The following ADAMTS18 variants were observed in gnomAD, a reference collection of about 807,000 sequenced individuals.
The protein encoded by ADAMTS18 is ADAM metallopeptidase with thrombospondin type 1 motif 18.
Under a neutral mutation model 165.9 loss-of-function variants are expected in ADAMTS18, and 157 were observed. That is an observed-to-expected ratio of 0.95 (90% CI 0.83 to 1.08). The LOEUF (loss-of-function observed/expected upper bound fraction) is 1.08. Ranked by LOEUF, ADAMTS18 falls within the 50% of genes least tolerant of loss-of-function variation. The pLI is 0.00. For missense variants in ADAMTS18, 2,040 were observed against 1,534.0 expected (o/e 1.33, Z -5.51); for synonymous variants, 782 against 578.2 (o/e 1.35, Z -5.06).
chr16:77,409,148 C>G lies in ADAMTS18; in HGVS notation c.495+22147G>C, dbSNP rs189629775. Among the ~76,000 whole-genome samples the G allele has an allele frequency of 6.6e-5, 10 of 152,228 alleles. No homozygotes were observed. The East Asian group carries it at 1.9e-3, about 29-fold the overall frequency. On this transcript the variant is annotated intron_variant, in intron 3 of 22. Coordinates refer to ENST00000282849, the MANE Select transcript of ADAMTS18 (RefSeq NM_199355.4). ...CACCGGAGGTACTGGAACGTATCCT[C>G]TGAGGATAATGGGAGGGCTACGTAC...
At chr16:77,373,137 G>A (rs909410741) in intron 3 of ADAMTS18, among the ~76,000 whole-genome samples, 6 of 151,832 alleles carry the variant, frequency 4.0e-5, no homozygotes, top group African/African-American at 1.5e-4. Flanking sequence ...GGTGCTCATT[G>A]CTGATGTCTC....
At chr16:77,295,904 C>T (rs867750354) in intron 18 of ADAMTS18, among the ~76,000 whole-genome samples, 2 of 151,958 alleles carry the variant, frequency 1.3e-5, no homozygotes, top group African/African-American at 4.8e-5. Context: ...AGTGCAATGG[C>T]TCGATCTCAG....
intron 3 of ADAMTS18, among the ~76,000 whole-genome samples, chr16:77,421,103 T>C (rs1328476020): frequency 2.6e-5 from 4 of 152,206 alleles, no homozygotes; most frequent in African/African-American, 4.8e-5. Flanking sequence ...TTAGAAAGCA[T>C]GCCCCCTTGA....
At chr16:77,387,009 A>C (rs1190543373) in intron 3 of ADAMTS18, among the ~76,000 whole-genome samples, 1 of 152,202 alleles carries the variant, frequency 6.6e-6, no homozygotes, top group African/African-American at 2.4e-5. Flanking sequence ...ATGTCACTCC[A>C]AACAGATGCT....
At position 77,297,395 on chromosome 16, in the gene ADAMTS18, T is replaced by C. The variant is rs2055495057; in HGVS notation, c.2695A>G (p.Ile899Val). The C allele has an allele frequency of 6.2e-7, 1 of 1,613,278 alleles. No individual in the cohort carries two copies. The highest frequency in any genetic ancestry group is 8.5e-7 in the Non-Finnish European group (1 of 1,179,232). Residue 899 changes from isoleucine to valine, a missense_variant, in exon 18 of 23, where the codon ATT (isoleucine) becomes GTT (valine). Ile to Val is a conservative substitution (Grantham distance 29). Coordinates refer to ENST00000282849, the MANE Select transcript of ADAMTS18 (RefSeq NM_199355.4). ...TGAGTATTTTGATCTCGCAAGCAAA[T>C]GGCCTTTACATTTATGTAACCTGGT... The part of the protein sequence containing the change: ...CGGGYINVKA[I>V]CLRDQNTQVN...
rs950253745 is a variant in ADAMTS18, at chr16:77,364,381, T to C, written c.779A>G (p.Tyr260Cys). 1.2e-5 allele frequency: 20 copies of C among 1,613,444 alleles called. No homozygotes were observed. Among genetic ancestry groups the C allele is most frequent in the African/African-American group, 2.7e-5 (2 of 74,702 alleles). Residue 260 changes from tyrosine to cysteine, a missense_variant and splice_region_variant, in exon 5 of 23, where the codon TAT (tyrosine) becomes TGT (cysteine). Transcript: ENST00000282849. ...KQHFCGRRKKYAPKPPTEDTY... is the reference protein window; with the variant it reads ...KQHFCGRRKKCAPKPPTEDTY... ...GTCCTCTGTGGGAGGCTTGGGAGCA[T>C]CTACGATGAACAGAAGAGCATTTGG...
chr16:77,289,597 A>G (rs1051793818), intron 21 of ADAMTS18, 186 bp from the exon 22 acceptor site: 1 of 689,378 alleles, frequency 1.5e-6, no homozygotes, highest in African/African-American at 1.8e-5. Flanking sequence ...CTTTGATCTG[A>G]TTAGAAGGGT....
intron 10 of ADAMTS18, among the ~76,000 whole-genome samples, chr16:77,346,772 G>C (rs2056483234): frequency 6.6e-6 from 1 of 152,132 alleles, no homozygotes; most frequent in Non-Finnish European, 1.5e-5. Flanking sequence ...TAACAAGTAG[G>C]AGTCACCAAG....
rs1567490828 is a variant in ADAMTS18, at chr16:77,334,067, C to CTATATATAATATACAGTGTTATATAT, written c.1859+1663_1859+1688dup. ...TATATAATATACAGTGCTATATATG[C>CTATATATAATATACAGTGTTATATAT]TATATATAATATACAGTGTTATATA... On this transcript the variant is annotated intron_variant, in intron 12 of 22. Transcript: ENST00000282849. Among the ~76,000 whole-genome samples the CTATATATAATATACAGTGTTATATAT allele has an allele frequency of 3.7e-3, 330 of 88,030 alleles. 19 individuals carry two copies. Among genetic ancestry groups the CTATATATAATATACAGTGTTATATAT allele is most frequent in the East Asian group, 0.013 (35 of 2,676 alleles). The allele number at this position is 88,030 out of a possible 152,430, so 57.8% of individuals were successfully genotyped here.
intron 6 of ADAMTS18, 119 bp from the exon 7 acceptor site, chr16:77,362,383 C>G (rs1376565672): frequency 2.6e-6 from 3 of 1,132,620 alleles, no homozygotes; most frequent in African/African-American, 1.5e-5. Flanking sequence ...TCAGTAAACA[C>G]TTGAGCTAAG....
chr16:77,323,958 T>G (rs558678537), intron 13 of ADAMTS18, among the ~76,000 whole-genome samples: 1 of 152,350 alleles, frequency 6.6e-6, no homozygotes, highest in East Asian at 1.9e-4. Context: ...CAGTGGAAAC[T>G]GCAATAAAAT....
intron 10 of ADAMTS18, among the ~76,000 whole-genome samples, chr16:77,349,327 G>A (rs1567503650): frequency 6.6e-6 from 1 of 151,896 alleles, no homozygotes; most frequent in Non-Finnish European, 1.5e-5. Flanking sequence ...CCCACAAGGA[G>A]ATTCCTAGTG....
At chr16:77,383,184 T>C (rs1333385219) in intron 3 of ADAMTS18, among the ~76,000 whole-genome samples, 4 of 152,178 alleles carry the variant, frequency 2.6e-5, no homozygotes, top group Non-Finnish European at 5.9e-5. Context: ...CTCCTCTCCC[T>C]GTTGACAATC....
At chr16:77,363,734 G>A in intron 6 of ADAMTS18, 68 bp downstream of exon 6, 3 of 1,387,454 alleles carry the variant, frequency 2.2e-6, no homozygotes, top group South Asian at 1.2e-5. Context: ...AGTGAACACA[G>A]TAGGTGTTCA....
intron 21 of ADAMTS18, 101 bp downstream of exon 21, chr16:77,291,165 A>T: frequency 7.5e-7 from 1 of 1,332,694 alleles, no homozygotes; most frequent in Non-Finnish European, 1.1e-6. Flanking sequence ...AGTTGTTTTT[A>T]CTTAGACAAC....
At chr16:77,312,751 C>T (rs2055807089) in intron 16 of ADAMTS18, among the ~76,000 whole-genome samples, 1 of 152,194 alleles carries the variant, frequency 6.6e-6, no homozygotes, top group Non-Finnish European at 1.5e-5. Flanking sequence ...AAGATACCAT[C>T]TCATACCAGT....
At chr16:77,297,982 T>G (rs1264473668) in intron 17 of ADAMTS18, among the ~76,000 whole-genome samples, 1 of 131,190 alleles carries the variant, frequency 7.6e-6, no homozygotes, top group Non-Finnish European at 1.6e-5. Context: ...TGGAGTGCAG[T>G]GGCGTGATCT....
At position 77,286,420 on chromosome 16, in the gene ADAMTS18, A is replaced by C. The variant is rs192937366; in HGVS notation, c.3551-2349T>G. Among the ~76,000 whole-genome samples, 555 of 152,190 alleles carry C rather than the reference A, an allele frequency of 3.6e-3. 4 individuals carry two copies. Among genetic ancestry groups the C allele is most frequent in the Non-Finnish European group, 5.8e-3 (397 of 68,016 alleles). On this transcript the variant is annotated intron_variant, in intron 22 of 22. Coordinates refer to ENST00000282849, the MANE Select transcript of ADAMTS18 (RefSeq NM_199355.4). ...TGGGAGCCGTGCCTGTTTATTTTGT[A>C]ATCAGACCCCAGAACAGTTTCTGGT...
At chr16:77,288,081 T>G (rs1053324285) in intron 22 of ADAMTS18, among the ~76,000 whole-genome samples, 2 of 152,166 alleles carry the variant, frequency 1.3e-5, no homozygotes, top group South Asian at 4.1e-4. Flanking sequence ...TTAAGACTTA[T>G]TGAGTACCTG....
Sources: gnomAD v4.1 joint callset for allele counts (sites outside exome capture counted in the v4.1 genomes callset) on GRCh38, gnomAD v4.1.1 for gene constraint, MANE v1.5 for transcripts, NCBI Gene and HGNC (gene_info 2026-07-23, HGNC 2026-07-21) for gene names.